PDK1: variants seen among roughly 807,000 people sequenced by gnomAD.
The protein encoded by PDK1 is [Pyruvate dehydrogenase (acetyl-transferring)] kinase isozyme 1, mitochondrial.
PDK1 carries 39 observed loss-of-function variants against 54.2 expected under a neutral mutation model. That is an observed-to-expected ratio of 0.72 (90% CI 0.56 to 0.94). The LOEUF is 0.94. Among genes scored for constraint, PDK1 ranks in the 40% least tolerant of loss-of-function variants. PDK1 has a pLI of 0.00. For missense variants in PDK1, 552 were observed against 566.0 expected, an observed-to-expected ratio of 0.98 and a Z score of 0.25; for synonymous variants, 221 against 207.1, an observed-to-expected ratio of 1.07 and a Z score of -0.58.
the PDK1 span, among the ~76,000 whole-genome samples, chr2:172,618,255 T>G: frequency 6.6e-6 from 1 of 152,194 alleles, no homozygotes; most frequent in Non-Finnish European, 1.5e-5. Context: ...TCATTCATCT[T>G]AAGATATAAA....
the PDK1 span, among the ~76,000 whole-genome samples, chr2:172,712,315 C>T: frequency 2.0e-5 from 3 of 152,236 alleles, no homozygotes; most frequent in Admixed American, 6.5e-5. Context: ...TGTCACTTCA[C>T]CAGCCAGGAA....
the PDK1 span, among the ~76,000 whole-genome samples, chr2:172,642,105 T>C: frequency 6.6e-6 from 1 of 152,208 alleles, no homozygotes; most frequent in Non-Finnish European, 1.5e-5. Flanking sequence ...AGATTAGATT[T>C]CCACAAAACA....
At chr2:172,589,755 C>A (rs908590480) in intron 9 of PDK1, among the ~76,000 whole-genome samples, 2 of 152,286 alleles carry the variant, frequency 1.3e-5, no homozygotes, top group African/African-American at 4.8e-5. Flanking sequence ...TCATAGTTAG[C>A]ATGCTATATG....
downstream of PDK1, among the ~76,000 whole-genome samples, chr2:172,612,768 A>G (rs988839402): frequency 2.0e-4 from 30 of 152,186 alleles, no homozygotes; most frequent in Middle Eastern, 6.8e-3. Context: ...CCTGGGTTCA[A>G]GCATTTCTCC....
the PDK1 span, among the ~76,000 whole-genome samples, chr2:172,621,384 C>A: frequency 1.2e-3 from 183 of 152,158 alleles, no homozygotes; most frequent in African/African-American, 4.2e-3. Context: ...CATCTTTCTC[C>A]TATGCTGGAT....
chr2:172,648,415 G>C, the PDK1 span, among the ~76,000 whole-genome samples: 1 of 152,224 alleles, frequency 6.6e-6, no homozygotes, highest in Non-Finnish European at 1.5e-5. Flanking sequence ...GCTCCAGTCT[G>C]CAGCTTCCAG....
chr2:172,650,390 T>C, the PDK1 span, among the ~76,000 whole-genome samples: 1 of 152,152 alleles, frequency 6.6e-6, no homozygotes. Context: ...TGCCAACTTG[T>C]AAAGACCATC....
At chr2:172,711,527 T>A in the PDK1 span, among the ~76,000 whole-genome samples, 2 of 152,284 alleles carry the variant, frequency 1.3e-5, no homozygotes, top group African/African-American at 4.8e-5. Flanking sequence ...GGAATTTGGA[T>A]GCAGGCAAAT....
chr2:172,661,294 T>C, the PDK1 span, among the ~76,000 whole-genome samples: 1 of 152,208 alleles, frequency 6.6e-6, no homozygotes, highest in African/African-American at 2.4e-5. Flanking sequence ...TTATTTAAGC[T>C]TAAATTATAT....
the PDK1 span, among the ~76,000 whole-genome samples, chr2:172,722,857 T>C: frequency 2.0e-5 from 3 of 152,178 alleles, no homozygotes; most frequent in East Asian, 5.8e-4. Flanking sequence ...GTATGATTTA[T>C]TGGCAGCCTT....
the PDK1 span, among the ~76,000 whole-genome samples, chr2:172,627,647 G>A: frequency 1.1e-4 from 16 of 152,102 alleles, no homozygotes; most frequent in Non-Finnish European, 1.5e-4. Context: ...TGGAAATTAA[G>A]GAAAATCTTG....
chr2:172,682,458 G>A, the PDK1 span, among the ~76,000 whole-genome samples: 1 of 152,228 alleles, frequency 6.6e-6, no homozygotes, highest in Non-Finnish European at 1.5e-5. Context: ...GTGTGGTGGA[G>A]ATGGCCAGCA....
At chr2:172,612,175 C>T (rs1193840945), downstream of PDK1, among the ~76,000 whole-genome samples, 1 of 152,152 alleles carries the variant, frequency 6.6e-6, no homozygotes, top group Non-Finnish European at 1.5e-5. Flanking sequence ...GACCATTTCT[C>T]TTCCGAAGAT....
downstream of PDK1, among the ~76,000 whole-genome samples, chr2:172,610,028 G>A (rs1177272211): frequency 6.6e-6 from 1 of 152,054 alleles, no homozygotes; most frequent in Non-Finnish European, 1.5e-5. Flanking sequence ...CACCATGTTG[G>A]TCTGGCTGGT....
At chr2:172,669,571 A>T in the PDK1 span, among the ~76,000 whole-genome samples, 5 of 152,002 alleles carry the variant, frequency 3.3e-5, no homozygotes, top group African/African-American at 1.2e-4. Flanking sequence ...CGGTGGTTTT[A>T]TTTTTAGTTT....
At chr2:172,699,478 C>CTTT in the PDK1 span, among the ~76,000 whole-genome samples, 6,403 of 130,140 alleles carry the variant, frequency 0.049, 225 homozygotes, top group Admixed American at 0.099. Flanking sequence ...CCTCATCTGA[C>CTTT]TTTTTTTTTT....
intron 8 of PDK1, among the ~76,000 whole-genome samples, chr2:172,583,233 A>T (rs1266156861): frequency 6.8e-6 from 1 of 146,246 alleles, no homozygotes; most frequent in Non-Finnish European, 1.5e-5. Context: ...AAATTACTTT[A>T]CAGGGCCAAG....
chr2:172,573,406 T>G (rs1278762275), intron 8 of PDK1, among the ~76,000 whole-genome samples: 1 of 152,094 alleles, frequency 6.6e-6, no homozygotes, highest in Admixed American at 6.6e-5. Flanking sequence ...TAGATTAAGA[T>G]CCTTTTTTCA....
chr2:172,663,485 T>C, the PDK1 span, among the ~76,000 whole-genome samples: 1 of 151,796 alleles, frequency 6.6e-6, no homozygotes, highest in African/African-American at 2.4e-5. Flanking sequence ...ATGAATTTTC[T>C]TGAGACAGAG....
Sources: allele counts gnomAD v4.1 joint callset (sites outside exome capture counted in the v4.1 genomes callset), GRCh38; gene constraint gnomAD v4.1.1; transcripts MANE v1.5; gene names NCBI Gene and HGNC (gene_info 2026-07-23, HGNC 2026-07-21).